The following NBPF26 variants were observed in gnomAD, a reference collection of about 807,000 sequenced individuals.
NBPF26 encodes NBPF member 26, also known as NBPF family member NBPF26.
NBPF26 carries 79 observed loss-of-function variants against 119.6 expected under a neutral mutation model. The ratio of observed to expected loss-of-function variants is 0.66; its 90% CI spans 0.55 to 0.80. The LOEUF (loss-of-function observed/expected upper bound fraction) is 0.80, where lower values mean the gene tolerates loss of function less well. Ranked by LOEUF, NBPF26 falls within the 30% of genes least tolerant of loss-of-function variation. The pLI is 0.00. For missense variants in NBPF26, 800 were observed against 1,198.2 expected (o/e 0.67, Z 4.91); for synonymous variants, 299 against 457.7 (o/e 0.65, Z 4.43).
At chr1:120,822,028 G>C in intron 15 of NBPF26, 76 bp from the exon 16 acceptor site, 2 of 1,434,716 alleles carry the variant, frequency 1.4e-6, no homozygotes, top group South Asian at 1.2e-5. Context: ...TCTCCCATCA[G>C]ATCATCTGGG....
intron 3 of NBPF26, among the ~76,000 whole-genome samples, chr1:120,790,545 T>TCCC (rs1651477114): frequency 1.1e-5 from 1 of 93,202 alleles, no homozygotes; most frequent in Non-Finnish European, 1.9e-5. Flanking sequence ...CCTTTCTTTC[T>TCCC]TTCTTTCTTT....
Position 120,776,026 on chromosome 1 carries a change from G to A in NBPF26, c.156-8948G>A, listed in dbSNP as rs1476089067. Among the ~76,000 whole-genome samples the A allele has an allele frequency of 2.8e-5, 3 of 107,264 alleles. 1 individual carries two copies. Among genetic ancestry groups the A allele is most frequent in the Non-Finnish European group, 5.2e-5 (3 of 57,632 alleles). 70.4% of individuals were successfully genotyped at this position (107,264 alleles called of 152,430 possible). Reference sequence around the variant, plus strand: ...TTTAGGTAAATAGCTCAACCCAGTTGTTCCCAAACTTCAAGTGTATTTATA... The same window carrying A: ...TTTAGGTAAATAGCTCAACCCAGTTATTCCCAAACTTCAAGTGTATTTATA... On this transcript the variant is annotated intron_variant, in intron 2 of 29. Coordinates refer to ENST00000620612, the Ensembl canonical transcript of NBPF26.
At chr1:120,790,151 G>C (rs1651468139) in intron 3 of NBPF26, among the ~76,000 whole-genome samples, 1 of 99,768 alleles carries the variant, frequency 1.0e-5, no homozygotes, top group Non-Finnish European at 1.8e-5. Flanking sequence ...GAGTAGCTGG[G>C]ACTACAGGCA....
At chr1:120,790,010 C>CA (rs1651466038) in intron 3 of NBPF26, among the ~76,000 whole-genome samples, 2 of 34,940 alleles carry the variant, frequency 5.7e-5, no homozygotes, top group Non-Finnish European at 1.0e-4. Context: ...TTCTGATCAC[C>CA]TTTTTTTTTT....
At position 120,754,761 on chromosome 1, in the gene NBPF26, C is replaced by T. The variant is rs1179515773; in HGVS notation, c.74-8867C>T. 2.6e-5 allele frequency among the ~76,000 whole-genome samples: 3 copies of T among 116,116 alleles called. 1 individual carries two copies. Among genetic ancestry groups the T allele is most frequent in the Non-Finnish European group, 4.9e-5 (3 of 60,774 alleles). 76.2% of individuals were successfully genotyped at this position (116,116 alleles called of 152,430 possible). ...TAAGAGTGGAGAGTGTATCTTCCTT[C>T]AAACAAATGGTAAGAAAGGAACTTT... On this transcript the variant is annotated intron_variant, in intron 1 of 29. Transcript: ENST00000620612.
intron 2 of NBPF26, among the ~76,000 whole-genome samples, chr1:120,783,749 G>T (rs1325601514): frequency 8.5e-6 from 1 of 117,220 alleles, no homozygotes; most frequent in Non-Finnish European, 1.6e-5. Context: ...CGTTAGGGTG[G>T]CCATAATATA....
chr1:120,833,159 A>G (rs1168731514), intron 23 of NBPF26, among the ~76,000 whole-genome samples, 176 bp downstream of exon 27: 1 of 118,300 alleles, frequency 8.5e-6, no homozygotes, highest in South Asian at 2.6e-4. Flanking sequence ...TCCTCCCCTT[A>G]TCATTTACTA....
Position 120,811,804 on chromosome 1 carries a change from A to C in NBPF26, c.1565-82A>C, listed in dbSNP as rs1651873328. 7.3e-6 allele frequency: 5 copies of C among 689,210 alleles called. 1 individual carries two copies. The South Asian group carries it at 7.5e-5, about 10-fold the overall frequency. The allele number at this position is 689,210 out of a possible 1,614,324, so 42.7% of individuals were successfully genotyped here. A position where few individuals can be genotyped will look rare whatever the true frequency, so the allele number is the denominator to read the frequency against. ...CTTCAAATAAGTAAACAAGGCTACC[A>C]GTGACATCCCTCAGTCCTGATTAAG... is the stretch of plus-strand genomic sequence containing the variant. On this transcript the variant is annotated intron_variant, in intron 9 of 29. Transcript: ENST00000620612.
Position 120,795,949 on chromosome 1 carries a change from T to C in NBPF26, c.751+2453T>C, listed in dbSNP as rs1651546452. On this transcript the variant is annotated intron_variant, in intron 4 of 29. Coordinates refer to ENST00000620612, the Ensembl canonical transcript of NBPF26. Reference sequence around the variant, plus strand: ...GTGTGTGTGTGTGTGTGTGTGTGTGTATATGCCGTTGTGCAGATGTTTAAA... The same window carrying C: ...GTGTGTGTGTGTGTGTGTGTGTGTGCATATGCCGTTGTGCAGATGTTTAAA... Among the ~76,000 whole-genome samples the C allele has an allele frequency of 1.1e-4, 2 of 17,710 alleles. 1 individual carries two copies. The highest frequency in any genetic ancestry group is 8.4e-4 in the African/African-American group (2 of 2,368). 11.6% of individuals were successfully genotyped at this position (17,710 alleles called of 152,430 possible). A position where few individuals can be genotyped will look rare whatever the true frequency, so the allele number is the denominator to read the frequency against.
chr1:120,784,161 A>G lies in NBPF26; in HGVS notation c.156-813A>G, dbSNP rs1162733810. Among the ~76,000 whole-genome samples, 2 of 118,100 alleles carry G rather than the reference A, an allele frequency of 1.7e-5. 1 individual carries two copies. The highest frequency in any genetic ancestry group is 3.3e-5 in the Non-Finnish European group (2 of 61,040). The allele number at this position is 118,100 out of a possible 152,430, so 77.5% of individuals were successfully genotyped here. A position where few individuals can be genotyped will look rare whatever the true frequency, so the allele number is the denominator to read the frequency against. Reference sequence around the variant, plus strand: ...CTTGTATATCTTCTAAGGTAAAAGTAAAGAACTAAGCTGATGTCCAGCCCT... The same window carrying G: ...CTTGTATATCTTCTAAGGTAAAAGTGAAGAACTAAGCTGATGTCCAGCCCT... On this transcript the variant is annotated intron_variant, in intron 2 of 29. Transcript: ENST00000620612.
chr1:120,810,220 G>C, intron 8 of NBPF26, 127 bp from the exon 9 acceptor site: 1 of 1,142,388 alleles, frequency 8.8e-7, no homozygotes, highest in Non-Finnish European at 1.2e-6. Flanking sequence ...TCCTCTTTAA[G>C]GGAACCTCCG....
rs1286675689 is a variant in NBPF26 at position 120,730,663 on chromosome 1, G to A, written c.73+6413G>A. ...TTGTGGTCTTAAAAAGGAGAGTAAA[G>A]CCAAGAAAGGGGGATGATAAAGCCA... On this transcript the variant is annotated intron_variant, in intron 1 of 29. Transcript: ENST00000620612. Among the ~76,000 whole-genome samples the A allele has an allele frequency of 1.9e-5, 2 of 106,930 alleles. 1 individual carries two copies. The highest frequency in any genetic ancestry group is 1.8e-4 in the Admixed American group (2 of 11,092). 70.2% of individuals were successfully genotyped at this position (106,930 alleles called of 152,430 possible). A position where few individuals can be genotyped will look rare whatever the true frequency, so the allele number is the denominator to read the frequency against.
At chr1:120,791,743 A>G (rs1440582708) in intron 3 of NBPF26, among the ~76,000 whole-genome samples, 1 of 66,750 alleles carries the variant, frequency 1.5e-5, no homozygotes, top group Non-Finnish European at 2.5e-5. Flanking sequence ...ACATATATAC[A>G]TATGTAACAA....
chr1:120,809,349 A>C (rs1651796056), intron 7 of NBPF26, among the ~76,000 whole-genome samples: 10 of 150,500 alleles, frequency 6.6e-5, no homozygotes, highest in Admixed American at 6.0e-4. Context: ...CATGGATAGA[A>C]TGTCCCTGAA....
intron 2 of NBPF26, among the ~76,000 whole-genome samples, chr1:120,764,908 A>G (rs2101412599): frequency 1.1e-5 from 1 of 88,808 alleles, no homozygotes; most frequent in South Asian, 3.5e-4. Context: ...ACACATTTTT[A>G]TTTCTTACCA....
In NBPF26 at chr1:120,770,634, G is replaced by C. The variant is rs1651252836; in HGVS notation, c.155+6925G>C. Among the ~76,000 whole-genome samples, 2 of 121,264 alleles carry C rather than the reference G, an allele frequency of 1.6e-5. 1 individual carries two copies. The highest frequency in any genetic ancestry group is 3.2e-5 in the Non-Finnish European group (2 of 62,030). 79.6% of individuals were successfully genotyped at this position (121,264 alleles called of 152,430 possible). ...TGTATTTACTTTAGTCCTCATGTGA[G>C]AGAGAGACTATATGGAAGCTAAGAG... is the stretch of plus-strand genomic sequence containing the variant. On this transcript the variant is annotated intron_variant, in intron 2 of 29. Transcript: ENST00000620612.
rs1161871595 is a variant in NBPF26, at chr1:120,823,102, C to A, written c.2588-207C>A. ...ACATAGGGAAGATAACATTCCAACA[C>A]AGGGGAATTTTGCCCAAGGCTCATG... On this transcript the variant is annotated intron_variant, in intron 16 of 29. Transcript: ENST00000620612. Among the ~76,000 whole-genome samples, 8 of 116,910 alleles carry A rather than the reference C, an allele frequency of 6.8e-5. 1 individual carries two copies. 76.7% of individuals were successfully genotyped at this position (116,910 alleles called of 152,430 possible).
exon 11 of NBPF26, chr1:120,813,898 A>T: frequency 1.3e-6 from 2 of 1,486,964 alleles, no homozygotes; most frequent in South Asian, 1.1e-5. Context: ...CAGAATATGA[A>T]GAGTGCAAAG....
chr1:120,768,225 T>C (rs1651216060), intron 2 of NBPF26, among the ~76,000 whole-genome samples: 1 of 114,454 alleles, frequency 8.7e-6, no homozygotes, highest in Admixed American at 8.3e-5. Context: ...GATGGGACCC[T>C]TCTAGGGGTT....
Sources: allele counts gnomAD v4.1 joint callset (sites outside exome capture counted in the v4.1 genomes callset), GRCh38; gene constraint gnomAD v4.1.1; transcripts MANE v1.5; gene names NCBI Gene and HGNC (gene_info 2026-07-23, HGNC 2026-07-21).